Variants in DPF3 observed in about 807,000 individuals in gnomAD.
The protein encoded by DPF3 is zinc finger protein DPF3.
A neutral mutation model predicts 56.8 loss-of-function variants in DPF3; 18 were observed. That is an observed-to-expected ratio of 0.32 (90% CI 0.22 to 0.47). The LOEUF is 0.47. Ranked by LOEUF, DPF3 falls within the 20% of genes least tolerant of loss-of-function variation. The pLI is 1.00. For synonymous variants in DPF3, 188 were observed against 180.2 expected, an observed-to-expected ratio of 1.04 and a Z score of -0.35; for missense variants, 403 against 488.8, an observed-to-expected ratio of 0.82 and a Z score of 1.65.
At chr14:72,664,466 A>AC (rs1291462508) in intron 8 of DPF3, among the ~76,000 whole-genome samples, 2 of 152,130 alleles carry the variant, frequency 1.3e-5, no homozygotes, top group African/African-American at 4.8e-5. Flanking sequence ...TGCAGGCCAC[A>AC]AAAATGAAAC....
At chr14:72,775,155 ACT>A (rs1891697954) in intron 1 of DPF3, among the ~76,000 whole-genome samples, 4 of 152,108 alleles carry the variant, frequency 2.6e-5, no homozygotes, top group African/African-American at 9.7e-5. Context: ...CTTCTGACAG[ACT>A]GCCAAAAAAA....
chr14:72,732,147 C>G (rs1889682656), intron 3 of DPF3, among the ~76,000 whole-genome samples: 2 of 152,210 alleles, frequency 1.3e-5, no homozygotes, highest in Admixed American at 6.5e-5. Flanking sequence ...CCCACACCCC[C>G]AGAGGAAGCT....
Position 72,663,670 on chromosome 14 carries a change from G to A in DPF3, c.871+10570C>T, listed in dbSNP as rs577590179. Reference sequence around the variant, plus strand: ...ACCAAGTACTGCCACATTTCACCCCGGAAGCAGTTTCTGAAAGCAGAGATG... The same window carrying A: ...ACCAAGTACTGCCACATTTCACCCCAGAAGCAGTTTCTGAAAGCAGAGATG... On this transcript the variant is annotated intron_variant, in intron 8 of 10. Coordinates refer to ENST00000556509, the MANE Select transcript of DPF3 (RefSeq NM_001280542.3). 3.3e-5 allele frequency among the ~76,000 whole-genome samples: 5 copies of A among 152,260 alleles called. No individual in the cohort carries two copies. In the East Asian group the frequency reaches 5.8e-4, roughly 18 times the overall value.
chr14:72,811,734 C>T lies in DPF3; in HGVS notation c.33-39841G>A, dbSNP rs116741853. On this transcript the variant is annotated intron_variant, in intron 1 of 10. Transcript: ENST00000556509. ...CCCTGCCTTCCAGAGCTCCTAGGCA[C>T]ACAAATGTTAGTCACTTTACACTTT... 8.7e-3 allele frequency among the ~76,000 whole-genome samples: 1,330 copies of T among 152,308 alleles called. 25 individuals carry two copies. Among genetic ancestry groups the T allele is most frequent in the African/African-American group, 0.03 (1,248 of 41,554 alleles).
intron 6 of DPF3, among the ~76,000 whole-genome samples, chr14:72,698,471 G>A (rs1888007792): frequency 6.6e-6 from 1 of 152,196 alleles, no homozygotes; most frequent in Admixed American, 6.5e-5. Context: ...TTGTGCCCAG[G>A]AGTTGAAGAC....
intron 8 of DPF3, among the ~76,000 whole-genome samples, chr14:72,648,634 C>G (rs1047920015): frequency 6.6e-6 from 1 of 151,992 alleles, no homozygotes; most frequent in Admixed American, 6.5e-5. Context: ...CCCAGCTCCC[C>G]GCCTCTGTAT....
intron 6 of DPF3, among the ~76,000 whole-genome samples, chr14:72,706,861 A>G (rs1888425975): frequency 6.6e-6 from 1 of 151,712 alleles, no homozygotes; most frequent in Non-Finnish European, 1.5e-5. Context: ...GTTTTAGGGT[A>G]CATGTGTACA....
intron 7 of DPF3, among the ~76,000 whole-genome samples, chr14:72,683,884 G>A (rs1395527607): frequency 6.6e-6 from 1 of 152,142 alleles, no homozygotes; most frequent in African/African-American, 2.4e-5. Context: ...TTTCAGTGCT[G>A]TAGCTGGGCA....
chr14:72,876,989 C>A (rs900105810), intron 1 of DPF3, among the ~76,000 whole-genome samples: 2 of 152,234 alleles, frequency 1.3e-5, no homozygotes, highest in Admixed American at 1.3e-4. Flanking sequence ...GGGACAAAGC[C>A]AGAATACTCT....
chr14:72,658,142 TAA>T (rs1886107789), intron 8 of DPF3, among the ~76,000 whole-genome samples: 2 of 152,322 alleles, frequency 1.3e-5, no homozygotes, highest in South Asian at 4.1e-4. Context: ...TAAAATAATG[TAA>T]AGAGTGTAAT....
rs201637036 is a variant in DPF3, at chr14:72,699,936, GT to G, written c.605-6724del. Among the ~76,000 whole-genome samples the G allele has an allele frequency of 6.3e-3, 961 of 152,216 alleles. 12 individuals are homozygous for G. The highest frequency in any genetic ancestry group is 0.022 in the African/African-American group (896 of 41,468). On this transcript the variant is annotated intron_variant, in intron 6 of 10. Coordinates refer to ENST00000556509, the MANE Select transcript of DPF3 (RefSeq NM_001280542.3). The stretch of plus-strand genomic sequence containing the variant: ...TGAGGAAGTGCTGATGGGGCCAGCT[GT>G]GGGAGGAGGAAAGAGGGAGGTTGGT...
chr14:72,737,144 G>A (rs1262848009), intron 3 of DPF3, among the ~76,000 whole-genome samples: 1 of 149,112 alleles, frequency 6.7e-6, no homozygotes, highest in South Asian at 2.2e-4. Context: ...AAGGATTGAA[G>A]CATAGAAAGT....
At chr14:72,814,183 G>A (rs533812602) in intron 1 of DPF3, among the ~76,000 whole-genome samples, 2 of 152,212 alleles carry the variant, frequency 1.3e-5, no homozygotes, top group South Asian at 4.2e-4. Context: ...GTGAGGCAAT[G>A]GTGCAGCCCT....
chr14:72,671,223 A>T (rs1305761745), intron 8 of DPF3: 5 of 1,613,952 alleles, frequency 3.1e-6, no homozygotes, highest in Non-Finnish European at 3.4e-6. Context: ...AATCGTCCTC[A>T]TCAAAGCCGT....
intron 6 of DPF3, 23 bp from the exon 7 acceptor site, chr14:72,693,236 A>T (rs1177879437): frequency 1.9e-6 from 3 of 1,612,538 alleles, no homozygotes; most frequent in Non-Finnish European, 2.5e-6. Context: ...AGAGGAAAAA[A>T]GGGAGAGATA....
chr14:72,681,423 TC>T (rs954529880), intron 7 of DPF3, among the ~76,000 whole-genome samples: 3 of 152,084 alleles, frequency 2.0e-5, no homozygotes, highest in African/African-American at 7.2e-5. Flanking sequence ...GCATCAAGAA[TC>T]CCCAGGCTCA....
At chr14:72,789,226 C>T (rs866573482) in intron 1 of DPF3, among the ~76,000 whole-genome samples, 2 of 152,052 alleles carry the variant, frequency 1.3e-5, no homozygotes, top group South Asian at 2.1e-4. Flanking sequence ...GGGACAGTGC[C>T]CTCCCTGCTT....
At chr14:72,736,684 T>A (rs1236286767) in intron 3 of DPF3, among the ~76,000 whole-genome samples, 1 of 152,142 alleles carries the variant, frequency 6.6e-6, no homozygotes, top group African/African-American at 2.4e-5. Context: ...ATGTATGTCC[T>A]AAACACACTT....
chr14:72,796,929 G>A (rs544638790), intron 1 of DPF3, among the ~76,000 whole-genome samples: 1 of 152,304 alleles, frequency 6.6e-6, no homozygotes, highest in African/African-American at 2.4e-5. Context: ...GTAAGGCGAG[G>A]CATGAGGAAG....
Sources: allele counts gnomAD v4.1 joint callset (sites outside exome capture counted in the v4.1 genomes callset), GRCh38; gene constraint gnomAD v4.1.1; transcripts MANE v1.5; gene names NCBI Gene and HGNC (gene_info 2026-07-23, HGNC 2026-07-21).